FAM222B: variants seen among roughly 807,000 people sequenced by gnomAD.
FAM222B encodes protein FAM222B.
In FAM222B, 12 loss-of-function variants were observed where a neutral mutation model predicts 38.0. The observed-to-expected ratio is 0.32, with a 90% CI of 0.20 to 0.51. The LOEUF (loss-of-function observed/expected upper bound fraction) is 0.51. Ranked by LOEUF, FAM222B falls within the 20% of genes least tolerant of loss-of-function variation. FAM222B has a pLI of 0.97. For missense variants in FAM222B, 716 were observed against 754.2 expected (o/e 0.95, Z 0.59); for synonymous variants, 329 against 317.2 (o/e 1.04, Z -0.40).
At chr17:28,844,326 G>GA (rs1482398905), upstream of FAM222B, among the ~76,000 whole-genome samples, 6 of 152,116 alleles carry the variant, frequency 3.9e-5, no homozygotes, top group East Asian at 1.2e-3. Context: ...AAAAAGAGAA[G>GA]AAAAAAAGAC....
intron 1 of FAM222B, among the ~76,000 whole-genome samples, chr17:28,833,415 G>T (rs915222322): frequency 6.6e-6 from 1 of 151,336 alleles, no homozygotes; most frequent in African/African-American, 2.4e-5. Context: ...TCAGGAGTTC[G>T]AGACTACCCT....
chr17:28,825,043 C>T (rs1456344840), intron 1 of FAM222B, among the ~76,000 whole-genome samples: 4 of 151,910 alleles, frequency 2.6e-5, no homozygotes, highest in Non-Finnish European at 5.9e-5. Flanking sequence ...GGATTACAGG[C>T]GTGAACCACT....
Position 28,768,222 on chromosome 17 carries a change from T to TG in FAM222B, c.-40-1516dup, listed in dbSNP as rs2035433842. Among the ~76,000 whole-genome samples, 7 of 150,600 alleles carry TG rather than the reference T, an allele frequency of 4.6e-5. No homozygotes were observed. In the South Asian group the frequency reaches 8.4e-4, roughly 18 times the overall value. On this transcript the variant is annotated intron_variant, in intron 1 of 2. Transcript: ENST00000581407. Reference sequence around the variant, plus strand: ...GCTTTAGATCACAGCAAAAAAGGAGTGGGGGAAAAGCTCAAAAGTTAAAGA... The same window carrying TG: ...GCTTTAGATCACAGCAAAAAAGGAGTGGGGGGAAAAGCTCAAAAGTTAAAGA...
At chr17:28,849,317 G>A (rs1218279332) in intron 1 of FAM222B, 1 of 151,748 alleles carries the variant, frequency 6.6e-6, no homozygotes, top group African/African-American at 2.4e-5. Flanking sequence ...GACACTTAGC[G>A]ATTTTCTACT....
chr17:28,811,400 ACTGC>A (rs2037757510), intron 1 of FAM222B, among the ~76,000 whole-genome samples: 1 of 152,194 alleles, frequency 6.6e-6, no homozygotes, highest in Non-Finnish European at 1.5e-5. Flanking sequence ...AGATCGCGCC[ACTGC>A]ACTCCAGCCT....
intron 1 of FAM222B, among the ~76,000 whole-genome samples, chr17:28,823,920 C>G (rs2038349888): frequency 6.7e-6 from 1 of 150,034 alleles, no homozygotes; most frequent in Non-Finnish European, 1.5e-5. Context: ...CTCTGTCGCC[C>G]AGGCTGGAGT....
At chr17:28,851,140 A>G (rs940722311) in intron 1 of FAM222B, among the ~76,000 whole-genome samples, 1 of 151,756 alleles carries the variant, frequency 6.6e-6, no homozygotes, top group Non-Finnish European at 1.5e-5. Flanking sequence ...AAACAAAACA[A>G]AAAAATGTTC....
intron 1 of FAM222B, among the ~76,000 whole-genome samples, chr17:28,787,826 C>CTT (rs59467944): frequency 8.4e-5 from 11 of 130,182 alleles, no homozygotes; most frequent in African/African-American, 1.2e-4. Flanking sequence ...ATAAAGTAGT[C>CTT]TTTTTTTTTT....
intron 1 of FAM222B, among the ~76,000 whole-genome samples, chr17:28,836,653 A>G (rs1199113276): frequency 6.6e-6 from 1 of 152,064 alleles, no homozygotes; most frequent in African/African-American, 2.4e-5. Context: ...CAGTAATTGG[A>G]ACGGAACAGA....
Position 28,759,094 on chromosome 17 carries a change from C to G in FAM222B, c.865G>C (p.Glu289Gln). The change falls in exon 3 of 3, where the codon GAG becomes CAG. Residue 289 changes from glutamate to glutamine, a missense_variant. Physicochemically the swap from Glu to Gln is conservative, Grantham distance 29. Transcript: ENST00000581407. The surrounding 1 kb of genome is among the most constrained non-coding windows in gnomAD (Gnocchi z 4.8). ...RAGISTTSVC[E>Q]GQIANPSPIS... ...GGGCTGGGGTTGGCGATCTGGCCCT[C>G]ACACACTGAGGTAGTGCTGATGCCT... The G allele has an allele frequency of 6.2e-7, 1 of 1,611,718 alleles. No individual in the cohort carries two copies. The highest frequency in any genetic ancestry group is 2.2e-5 in the East Asian group (1 of 44,776).
At chr17:28,848,482 C>T (rs1043586527) in intron 1 of FAM222B, among the ~76,000 whole-genome samples, 1 of 151,924 alleles carries the variant, frequency 6.6e-6, no homozygotes, top group African/African-American at 2.4e-5. Context: ...AGTAGGGGCC[C>T]GGGCACGGTG....
chr17:28,850,894 G>A (rs1049059115), intron 1 of FAM222B, among the ~76,000 whole-genome samples: 5 of 151,958 alleles, frequency 3.3e-5, no homozygotes, highest in Non-Finnish European at 7.4e-5. Flanking sequence ...GCCAAGGTGG[G>A]CAAATCACAA....
At chr17:28,770,994 GTATA>G (rs767821311) in intron 1 of FAM222B, among the ~76,000 whole-genome samples, 2 of 149,900 alleles carry the variant, frequency 1.3e-5, no homozygotes, top group Non-Finnish European at 3.0e-5. Context: ...ATATGTGTGT[GTATA>G]TATATATATT....
intron 1 of FAM222B, among the ~76,000 whole-genome samples, chr17:28,806,432 C>T (rs2037500589): frequency 6.6e-6 from 1 of 152,114 alleles, no homozygotes; most frequent in African/African-American, 2.4e-5. Flanking sequence ...CCCAGTATTT[C>T]CTTCCTGGGA....
At chr17:28,844,514 C>T (rs1301138263), upstream of FAM222B, among the ~76,000 whole-genome samples, 2 of 151,738 alleles carry the variant, frequency 1.3e-5, no homozygotes, top group Non-Finnish European at 2.9e-5. Context: ...AAAAATTAGC[C>T]GGGCGTGGTG....
At chr17:28,817,606 C>T (rs2038070781) in intron 1 of FAM222B, among the ~76,000 whole-genome samples, 1 of 151,860 alleles carries the variant, frequency 6.6e-6, no homozygotes, top group Non-Finnish European at 1.5e-5. Flanking sequence ...ATAATCCCAG[C>T]TACTCGGGAG....
intron 1 of FAM222B, among the ~76,000 whole-genome samples, chr17:28,836,474 G>A (rs914697929): frequency 3.9e-5 from 6 of 151,994 alleles, no homozygotes; most frequent in Admixed American, 3.3e-4. Flanking sequence ...AAAGAAGGAA[G>A]GGCTTTATTC....
intron 1 of FAM222B, among the ~76,000 whole-genome samples, chr17:28,793,902 C>G (rs775856336): frequency 6.6e-6 from 1 of 151,982 alleles, no homozygotes; most frequent in Non-Finnish European, 1.5e-5. Context: ...TGCACCACCA[C>G]GCCAGGCTAA....
intron 1 of FAM222B, among the ~76,000 whole-genome samples, chr17:28,817,558 T>TA (rs1425416980): frequency 6.6e-6 from 1 of 151,906 alleles, no homozygotes; most frequent in East Asian, 1.9e-4. Flanking sequence ...CTGTCTCTAC[T>TA]AAAAATACAA....
Sources: gnomAD v4.1 joint callset for allele counts (sites outside exome capture counted in the v4.1 genomes callset) on GRCh38, gnomAD v4.1.1 for gene constraint, Gnocchi (gnomAD v3.1) non-coding constraint, MANE v1.5 for transcripts, NCBI Gene and HGNC (gene_info 2026-07-23, HGNC 2026-07-21) for gene names.